IQCM: variants seen among roughly 807,000 people sequenced by gnomAD.
The protein encoded by IQCM is IQ motif containing M.
IQCM carries 45 observed loss-of-function variants against 57.6 expected under a neutral mutation model. The observed-to-expected ratio is 0.78, with a 90% CI of 0.62 to 1.00. The LOEUF is 1.00. IQCM is among the 50% of genes least tolerant of loss of function. The pLI is 0.00. For synonymous variants in IQCM, 148 were observed against 158.9 expected (o/e 0.93, Z 0.51); for missense variants, 468 against 511.6 (o/e 0.91, Z 0.82).
chr4:149,440,564 C>T (rs1017581757), intron 12 of IQCM, among the ~76,000 whole-genome samples: 45 of 152,034 alleles, frequency 3.0e-4, no homozygotes, highest in Admixed American at 8.5e-4. Flanking sequence ...TGCATTTACT[C>T]AACAATTACA....
At chr4:149,724,705 A>G (rs1416074916) in intron 5 of IQCM, among the ~76,000 whole-genome samples, 1 of 152,066 alleles carries the variant, frequency 6.6e-6, no homozygotes, top group Non-Finnish European at 1.5e-5. Context: ...GTTGAGCTTA[A>G]TTAGAGCCTG....
intron 13 of IQCM, among the ~76,000 whole-genome samples, chr4:149,418,671 G>T (rs1424216680): frequency 6.6e-6 from 1 of 151,850 alleles, no homozygotes. Flanking sequence ...TCTGATGAAG[G>T]ATATTCAAAT....
chr4:149,363,817 A>G (rs537020319), intron 13 of IQCM, among the ~76,000 whole-genome samples: 8 of 152,352 alleles, frequency 5.3e-5, no homozygotes, highest in Non-Finnish European at 1.0e-4. Context: ...ATTGAAGTGA[A>G]TAAATTTCTG....
intron 7 of IQCM, among the ~76,000 whole-genome samples, chr4:149,680,735 T>C (rs576718147): frequency 1.3e-5 from 2 of 151,556 alleles, no homozygotes; most frequent in Admixed American, 6.6e-5. Flanking sequence ...TTTCAAAACT[T>C]ATCACATGGG....
intron 12 of IQCM, among the ~76,000 whole-genome samples, chr4:149,498,735 A>G (rs1742929531): frequency 6.6e-6 from 1 of 152,142 alleles, no homozygotes; most frequent in Non-Finnish European, 1.5e-5. Flanking sequence ...CTACTACTCC[A>G]ATACCATGGT....
chr4:149,807,241 C>T (rs960616299), intron 2 of IQCM, among the ~76,000 whole-genome samples: 3 of 151,936 alleles, frequency 2.0e-5, no homozygotes, highest in African/African-American at 7.2e-5. Context: ...AAATATCACA[C>T]TACCTAATTT....
intron 13 of IQCM, among the ~76,000 whole-genome samples, chr4:149,397,325 A>G (rs1327646545): frequency 2.0e-5 from 3 of 151,856 alleles, no homozygotes; most frequent in African/African-American, 7.3e-5. Context: ...AAATATACCT[A>G]TTGGCAATTG....
intron 13 of IQCM, among the ~76,000 whole-genome samples, chr4:149,363,465 G>C (rs1281512002): frequency 1.3e-5 from 2 of 152,156 alleles, no homozygotes; most frequent in African/African-American, 4.8e-5. Flanking sequence ...TGTCTTCATA[G>C]ACAGCAGAGA....
chr4:149,631,826 C>T (rs1757291088), intron 7 of IQCM, among the ~76,000 whole-genome samples: 1 of 152,092 alleles, frequency 6.6e-6, no homozygotes, highest in Non-Finnish European at 1.5e-5. Flanking sequence ...GTACCTAAAC[C>T]ATGGTTTCAC....
chr4:149,493,668 C>T (rs1742338691), intron 12 of IQCM, among the ~76,000 whole-genome samples: 1 of 151,972 alleles, frequency 6.6e-6, no homozygotes, highest in Non-Finnish European at 1.5e-5. Context: ...AGTACTTTTA[C>T]CCTTAGGTGA....
intron 7 of IQCM, among the ~76,000 whole-genome samples, chr4:149,665,792 C>T (rs907169413): frequency 1.2e-4 from 18 of 152,200 alleles, no homozygotes; most frequent in Admixed American, 3.3e-4. Flanking sequence ...GGGTAGGCAC[C>T]GTCTAATCAG....
chr4:149,812,204 T>G (rs549474340), intron 2 of IQCM, among the ~76,000 whole-genome samples: 12 of 152,322 alleles, frequency 7.9e-5, no homozygotes, highest in African/African-American at 2.4e-4. Flanking sequence ...ATGCTTCTTT[T>G]AATTTGGAGC....
At chr4:149,663,152 T>C (rs1250380248) in intron 7 of IQCM, among the ~76,000 whole-genome samples, 1 of 152,090 alleles carries the variant, frequency 6.6e-6, no homozygotes, top group Non-Finnish European at 1.5e-5. Context: ...GATAACATTC[T>C]TAGTTTAGTG....
intron 10 of IQCM, among the ~76,000 whole-genome samples, chr4:149,561,408 A>G (rs1750110110): frequency 6.6e-6 from 1 of 152,192 alleles, no homozygotes; most frequent in Non-Finnish European, 1.5e-5. Flanking sequence ...CAGAACTTTA[A>G]GGATGTGTGT....
chr4:149,750,757 C>T (rs17026424), intron 2 of IQCM, among the ~76,000 whole-genome samples: 3,946 of 152,166 alleles, frequency 0.026, 171 homozygotes, highest in African/African-American at 0.085. Flanking sequence ...AAGCATTCCC[C>T]GCTGAGATGT....
intron 13 of IQCM, among the ~76,000 whole-genome samples, chr4:149,389,963 T>G (rs1020839789): frequency 6.6e-6 from 1 of 152,022 alleles, no homozygotes; most frequent in Non-Finnish European, 1.5e-5. Context: ...GTCCCTTGTA[T>G]TTCCATATGA....
intron 12 of IQCM, among the ~76,000 whole-genome samples, chr4:149,499,157 C>T (rs747741195): frequency 6.6e-6 from 1 of 152,058 alleles, no homozygotes; most frequent in Non-Finnish European, 1.5e-5. Context: ...CCAAAAGTCC[C>T]TGGAATACTA....
At chr4:149,376,873 C>T (rs1428938219) in intron 13 of IQCM, among the ~76,000 whole-genome samples, 1 of 151,956 alleles carries the variant, frequency 6.6e-6, no homozygotes, top group African/African-American at 2.4e-5. Flanking sequence ...TATTCAAGAC[C>T]TTAATTTAGG....
intron 12 of IQCM, among the ~76,000 whole-genome samples, chr4:149,505,684 AT>A (rs2149799359): frequency 6.6e-6 from 1 of 152,294 alleles, no homozygotes; most frequent in African/African-American, 2.4e-5. Flanking sequence ...AAACATGTGT[AT>A]TTAGAGATCA....
Sources: allele counts gnomAD v4.1 joint callset (sites outside exome capture counted in the v4.1 genomes callset), GRCh38; gene constraint gnomAD v4.1.1; transcripts MANE v1.5; gene names NCBI Gene and HGNC (gene_info 2026-07-23, HGNC 2026-07-21).